Variants in PFKFB3 observed in about 807,000 individuals in gnomAD.
PFKFB3 encodes the protein 6-phosphofructo-2-kinase/fructose-2,6-biphosphatase 3.
A neutral mutation model predicts 68.0 loss-of-function variants in PFKFB3; 33 were observed. The observed-to-expected ratio is 0.49, with a 90% CI of 0.37 to 0.65. PFKFB3 has a LOEUF of 0.65. Among genes scored for constraint, PFKFB3 ranks in the 30% least tolerant of loss-of-function variants. PFKFB3 has a pLI of 0.00. For synonymous variants in PFKFB3, 315 were observed against 288.2 expected (o/e 1.09, Z -0.94); for missense variants, 586 against 712.2 (o/e 0.82, Z 2.02).
chr10:6,194,268 C>T (rs1385238215), intron 1 of PFKFB3, among the ~76,000 whole-genome samples: 1 of 152,314 alleles, frequency 6.6e-6, no homozygotes, highest in Non-Finnish European at 1.5e-5. Flanking sequence ...TGGTTCATCA[C>T]GGTTGAGTCT....
upstream of PFKFB3, among the ~76,000 whole-genome samples, chr10:6,197,997 T>C (rs1464448297): frequency 6.6e-6 from 1 of 152,188 alleles, no homozygotes; most frequent in Non-Finnish European, 1.5e-5. Flanking sequence ...TTTTCTATTT[T>C]CTGGAACAAT....
the PFKFB3 span, chr10:6,293,113 G>T: frequency 4.6e-6 from 2 of 433,200 alleles, no homozygotes; most frequent in South Asian, 1.9e-5. Flanking sequence ...CCTCAGGAAT[G>T]GTGTGGTCTA....
the PFKFB3 span, among the ~76,000 whole-genome samples, chr10:6,321,960 C>T: frequency 9.2e-5 from 14 of 152,242 alleles, no homozygotes; most frequent in African/African-American, 3.1e-4. Flanking sequence ...CTCTCCCATT[C>T]GTTCTGCTCT....
chr10:6,312,617 T>C, the PFKFB3 span, among the ~76,000 whole-genome samples: 2 of 152,198 alleles, frequency 1.3e-5, no homozygotes, highest in Admixed American at 1.3e-4. Context: ...AGATCTCTGG[T>C]TGGTATGCGT....
Position 6,203,095 on chromosome 10 carries a change from C to T in PFKFB3, c.-166C>T, listed in dbSNP as rs1843441177. 7 of 1,453,182 alleles carry T rather than the reference C, an allele frequency of 4.8e-6. No individual in the cohort carries two copies. Among genetic ancestry groups the T allele is most frequent in the African/African-American group, 1.5e-5 (1 of 67,768 alleles). 90.0% of individuals were successfully genotyped at this position (1,453,182 alleles called of 1,614,324 possible). A position where few individuals can be genotyped will look rare whatever the true frequency, so the allele number is the denominator to read the frequency against. On this transcript the variant is annotated 5_prime_UTR_variant, in exon 1 of 15. Coordinates refer to ENST00000379775, the MANE Select transcript of PFKFB3 (RefSeq NM_004566.4). ...CGTCGAGCCCCGCACAGGCGAGGGT[C>T]CGGAACTTAGCCCAAAGCACGTTTC...
chr10:6,318,335 C>T, the PFKFB3 span, among the ~76,000 whole-genome samples: 2 of 152,186 alleles, frequency 1.3e-5, no homozygotes, highest in African/African-American at 4.8e-5. Context: ...TTGGAGCATA[C>T]ACCACCAGCT....
intron 1 of PFKFB3, among the ~76,000 whole-genome samples, chr10:6,204,775 C>A (rs1287580172): frequency 6.6e-6 from 1 of 152,242 alleles, no homozygotes; most frequent in African/African-American, 2.4e-5. Flanking sequence ...TTGGCCAAGG[C>A]CAAATGCAGA....
At chr10:6,145,954 G>A (rs1290824752) in intron 1 of PFKFB3, among the ~76,000 whole-genome samples, 7 of 152,260 alleles carry the variant, frequency 4.6e-5, no homozygotes, top group African/African-American at 1.7e-4. Context: ...AGACCCGGGA[G>A]AGAAGTGGGA....
At chr10:6,198,958 G>C (rs1383935245), upstream of PFKFB3, among the ~76,000 whole-genome samples, 1 of 152,202 alleles carries the variant, frequency 6.6e-6, no homozygotes, top group Non-Finnish European at 1.5e-5. Flanking sequence ...GTTATGAATT[G>C]GTTTTTCGAA....
At chr10:6,306,089 ACAGGTGTGAT>A in the PFKFB3 span, among the ~76,000 whole-genome samples, 4 of 152,086 alleles carry the variant, frequency 2.6e-5, no homozygotes, top group Non-Finnish European at 5.9e-5. Flanking sequence ...GAGGCTCTTC[ACAGGTGTGAT>A]CAGTGCTCAT....
chr10:6,174,387 C>T (rs948498369), intron 1 of PFKFB3, among the ~76,000 whole-genome samples: 4 of 152,316 alleles, frequency 2.6e-5, no homozygotes, highest in South Asian at 2.1e-4. Context: ...AGTGCTGTTC[C>T]GTCTGCCTCG....
chr10:6,218,406 TTTA>T (rs1844733360), intron 6 of PFKFB3, among the ~76,000 whole-genome samples: 1 of 109,050 alleles, frequency 9.2e-6, no homozygotes, highest in African/African-American at 3.5e-5. Flanking sequence ...CTTAATCATT[TTTA>T]TTATTTATTT....
chr10:6,149,845 T>G (rs372196951), intron 1 of PFKFB3: 9 of 152,750 alleles, frequency 5.9e-5, no homozygotes, highest in African/African-American at 1.9e-4. Flanking sequence ...TGCTAGAACC[T>G]CCAAACAAGC....
intron 14 of PFKFB3, among the ~76,000 whole-genome samples, chr10:6,246,660 T>C (rs1846268392): frequency 6.6e-6 from 1 of 152,094 alleles, no homozygotes; most frequent in Admixed American, 6.6e-5. Flanking sequence ...GTATTATTTA[T>C]ATATTAATAT....
the PFKFB3 span, among the ~76,000 whole-genome samples, chr10:6,323,218 T>G: frequency 6.6e-6 from 1 of 152,244 alleles, no homozygotes. Flanking sequence ...TATGCAATTA[T>G]GGAGGCCGAG....
chr10:6,156,127 A>ACATGTGTGTGTGTGTG (rs1841777505), intron 1 of PFKFB3, among the ~76,000 whole-genome samples: 1 of 46,720 alleles, frequency 2.1e-5, no homozygotes, highest in Non-Finnish European at 5.2e-5. Context: ...ATGTACATAT[A>ACATGTGTGTGTGTGTG]TATGTGTGTG....
downstream of PFKFB3, among the ~76,000 whole-genome samples, chr10:6,239,547 C>G (rs966875448): frequency 2.0e-5 from 3 of 152,182 alleles, no homozygotes; most frequent in African/African-American, 7.2e-5. Context: ...TGGAGTGGGT[C>G]ATAACTCAAG....
the PFKFB3 span, among the ~76,000 whole-genome samples, chr10:6,304,408 C>T: frequency 1.7e-4 from 25 of 151,286 alleles, no homozygotes; most frequent in African/African-American, 5.8e-4. Flanking sequence ...TACAGCATCA[C>T]GTATCCCTTC....
intron 1 of PFKFB3, among the ~76,000 whole-genome samples, chr10:6,156,205 G>GA (rs1841785821): frequency 1.3e-5 from 2 of 151,066 alleles, no homozygotes; most frequent in Admixed American, 1.3e-4. Context: ...CCAGGCTGGA[G>GA]TGCAGTGGCA....
Sources: gnomAD v4.1 joint callset for allele counts (sites outside exome capture counted in the v4.1 genomes callset) on GRCh38, gnomAD v4.1.1 for gene constraint, MANE v1.5 for transcripts, NCBI Gene and HGNC (gene_info 2026-07-23, HGNC 2026-07-21) for gene names.